LUZP1: variants seen among roughly 807,000 people sequenced by gnomAD.
LUZP1 encodes leucine zipper protein 1, also known as filamin mechanobinding actin cross-linking protein.
LUZP1 carries 25 observed loss-of-function variants against 71.3 expected under a neutral mutation model. That is an observed-to-expected ratio of 0.35 (90% CI 0.26 to 0.49). The LOEUF is 0.49. LUZP1 is among the 20% of genes least tolerant of loss of function. The probability of loss-of-function intolerance (pLI) is 0.99; values close to 1 mark genes in which losing one functional copy is unlikely to be tolerated. For synonymous variants in LUZP1, 481 were observed against 506.4 expected, an observed-to-expected ratio of 0.95 and a Z score of 0.67; for missense variants, 1,142 against 1,300.8, an observed-to-expected ratio of 0.88 and a Z score of 1.88.
intron 3 of LUZP1, among the ~76,000 whole-genome samples, chr1:23,101,113 G>C (rs540049898): frequency 1.3e-5 from 2 of 152,194 alleles, no homozygotes; most frequent in African/African-American, 4.8e-5. Context: ...ACCACAAATA[G>C]GGCAGTACTA....
At chr1:23,118,323 G>A (rs986870394) in intron 2 of LUZP1, among the ~76,000 whole-genome samples, 9 of 152,014 alleles carry the variant, frequency 5.9e-5, no homozygotes, top group Non-Finnish European at 8.8e-5. Flanking sequence ...GCTTGAACCC[G>A]GGAGGCGGAG....
chr1:23,091,914 G>C (rs747199376), exon 4 of LUZP1: 13 of 1,614,002 alleles, frequency 8.1e-6, no homozygotes, highest in Non-Finnish European at 5.1e-6. Flanking sequence ...TTTGGAGACG[G>C]GTTTCTGTTT....
rs142425004 is a variant in LUZP1 at position 23,093,421 on chromosome 1, G to A, written c.841C>T (p.Arg281Cys). The A allele has an allele frequency of 3.2e-4, 511 of 1,613,484 alleles. 6 individuals are homozygous for A. The African/African-American group carries it at 4.8e-3, about 15-fold the overall frequency. Residue 281 changes from arginine (R) to cysteine (C), a missense_variant, in exon 4 of 5, where the codon CGC becomes TGC. Physicochemically the swap from Arg to Cys is radical, Grantham distance 180. Transcript: ENST00000302291. This position sits in a 1 kb window ranked among gnomAD's most constrained non-coding sequence, Gnocchi z 4.2. Reference sequence around the variant, plus strand: ...TTGACTTTGTTGTCTTCCTGATTGCGGTTCTTTTCATTTTCTGATTTGTTT... The same window carrying A: ...TTGACTTTGTTGTCTTCCTGATTGCAGTTCTTTTCATTTTCTGATTTGTTT...
intron 2 of LUZP1, among the ~76,000 whole-genome samples, chr1:23,132,160 C>A (rs1469899927): frequency 6.6e-6 from 1 of 152,140 alleles, no homozygotes; most frequent in East Asian, 1.9e-4. Context: ...TTTTCTGACA[C>A]CCCCTCCAGT....
intron 2 of LUZP1, among the ~76,000 whole-genome samples, chr1:23,111,405 T>A (rs546329066): frequency 0.014 from 1,978 of 141,646 alleles, 28 homozygotes; most frequent in African/African-American, 0.048. Context: ...AAAAAAAAAA[T>A]TTTAATTAGC....
At chr1:23,176,100 C>G (rs1033327941) in intron 1 of LUZP1, among the ~76,000 whole-genome samples, 17 of 141,530 alleles carry the variant, frequency 1.2e-4, no homozygotes, top group Admixed American at 5.2e-4. Flanking sequence ...CTTGCTCTGT[C>G]GCCCAGGCTG....
chr1:23,173,272 A>C (rs1191745475), intron 1 of LUZP1, among the ~76,000 whole-genome samples: 1 of 151,522 alleles, frequency 6.6e-6, no homozygotes, highest in Non-Finnish European at 1.5e-5. Context: ...AAATAAATAA[A>C]TAAAAAAGAG....
At chr1:23,146,949 T>C (rs974694789) in intron 2 of LUZP1, among the ~76,000 whole-genome samples, 2 of 150,074 alleles carry the variant, frequency 1.3e-5, no homozygotes, top group Non-Finnish European at 3.0e-5. Context: ...TACAAAAAAT[T>C]AGCCAGGTGT....
chr1:23,083,885 A>AGCAGT (rs1386599540), downstream of LUZP1: 1 of 152,264 alleles, frequency 6.6e-6, no homozygotes, highest in African/African-American at 2.4e-5. Flanking sequence ...GTCCTGTAGA[A>AGCAGT]GCAGTGGACT....
intron 2 of LUZP1, among the ~76,000 whole-genome samples, chr1:23,113,402 G>A (rs1029762867): frequency 6.6e-6 from 1 of 151,754 alleles, no homozygotes; most frequent in African/African-American, 2.4e-5. Flanking sequence ...GTGAAACCCT[G>A]TCTCAAAACA....
At chr1:23,171,255 G>C (rs768900539) in intron 1 of LUZP1, among the ~76,000 whole-genome samples, 3 of 152,060 alleles carry the variant, frequency 2.0e-5, no homozygotes, top group Non-Finnish European at 4.4e-5. Context: ...TCTTGAGAAA[G>C]GAAGAGGCTT....
At chr1:23,088,580 C>G in exon 5 of LUZP1, 1 of 230,022 alleles carries the variant, frequency 4.3e-6, no homozygotes. Context: ...TTTTTGACTC[C>G]TGCTGTGTGC....
intron 3 of LUZP1, among the ~76,000 whole-genome samples, chr1:23,099,761 C>G (rs752969938): frequency 2.6e-5 from 4 of 152,148 alleles, no homozygotes; most frequent in African/African-American, 7.2e-5. Flanking sequence ...AAATATGTAG[C>G]AAATACTTAC....
chr1:23,121,840 C>A (rs1378163779), intron 2 of LUZP1, among the ~76,000 whole-genome samples: 1 of 151,884 alleles, frequency 6.6e-6, no homozygotes, highest in Non-Finnish European at 1.5e-5. Flanking sequence ...GGTGAAACCC[C>A]CCCTCTACTA....
At chr1:23,159,901 G>A (rs940604287) in intron 2 of LUZP1, among the ~76,000 whole-genome samples, 7 of 152,172 alleles carry the variant, frequency 4.6e-5, no homozygotes, top group Admixed American at 6.5e-5. Flanking sequence ...CAGAAGAATC[G>A]CTTGAACCCA....
exon 1 of LUZP1, chr1:23,177,542 A>G (rs956510641): frequency 2.6e-5 from 4 of 152,350 alleles, no homozygotes; most frequent in African/African-American, 9.7e-5. Context: ...AGGGCTGGAC[A>G]CCCTTCCCTC....
chr1:23,091,251 G>A, exon 4 of LUZP1: 5 of 1,613,960 alleles, frequency 3.1e-6, no homozygotes, highest in Non-Finnish European at 2.5e-6. Flanking sequence ...ATTCCGACGG[G>A]TAAGCACCTC....
chr1:23,129,973 T>A (rs1644201265), intron 2 of LUZP1, among the ~76,000 whole-genome samples: 2 of 152,206 alleles, frequency 1.3e-5, no homozygotes, highest in Admixed American at 1.3e-4. Context: ...GTAAGATGTA[T>A]AAAGGGTTAT....
intron 2 of LUZP1, among the ~76,000 whole-genome samples, chr1:23,136,399 A>G (rs559869569): frequency 1.3e-5 from 2 of 152,164 alleles, no homozygotes; most frequent in South Asian, 4.1e-4. Flanking sequence ...AACGTAAAAC[A>G]GCATTACATA....
Sources: gnomAD v4.1 joint callset for allele counts (sites outside exome capture counted in the v4.1 genomes callset) on GRCh38, gnomAD v4.1.1 for gene constraint, Gnocchi (gnomAD v3.1) non-coding constraint, MANE v1.5 for transcripts, NCBI Gene and HGNC (gene_info 2026-07-23, HGNC 2026-07-21) for gene names.